IPCEF1: variants seen among roughly 807,000 people sequenced by gnomAD.
The protein encoded by IPCEF1 is interactor protein for cytohesin exchange factors 1.
A neutral mutation model predicts 50.9 loss-of-function variants in IPCEF1; 31 were observed. The ratio of observed to expected loss-of-function variants is 0.61; its 90% confidence interval spans 0.46 to 0.82. The LOEUF is 0.82. IPCEF1 is among the 40% of genes least tolerant of loss of function. IPCEF1 has a pLI of 0.00. For missense variants in IPCEF1, 458 were observed against 514.0 expected, an observed-to-expected ratio of 0.89 and a Z score of 1.05; for synonymous variants, 181 against 192.0, an observed-to-expected ratio of 0.94 and a Z score of 0.47.
intron 1 of IPCEF1, among the ~76,000 whole-genome samples, chr6:154,352,003 A>C (rs1199809175): frequency 6.6e-6 from 1 of 152,238 alleles, no homozygotes; most frequent in Non-Finnish European, 1.5e-5. Context: ...GAGGGAGAGC[A>C]TCAGGAAGAA....
chr6:154,302,896 A>C (rs959251227), intron 1 of IPCEF1, among the ~76,000 whole-genome samples: 1 of 152,100 alleles, frequency 6.6e-6, no homozygotes, highest in African/African-American at 2.4e-5. Flanking sequence ...GTAGATGCTT[A>C]ATAATTACTT....
intron 1 of IPCEF1, among the ~76,000 whole-genome samples, chr6:154,318,631 T>G (rs746796777): frequency 6.6e-6 from 1 of 150,438 alleles, no homozygotes; most frequent in Non-Finnish European, 1.5e-5. Context: ...GTGGGTAGAT[T>G]GCTTGAGCCC....
chr6:154,162,868 A>C (rs1799135446), intron 11 of IPCEF1, among the ~76,000 whole-genome samples: 1 of 152,158 alleles, frequency 6.6e-6, no homozygotes, highest in African/African-American at 2.4e-5. Flanking sequence ...CATCTCAAAA[A>C]TAACATATCT....
intron 5 of IPCEF1, among the ~76,000 whole-genome samples, chr6:154,244,301 G>GGTGGGTGTGT (rs71802413): frequency 1.4e-5 from 2 of 147,960 alleles, no homozygotes; most frequent in African/African-American, 5.0e-5. Context: ...TGTGTGGGTG[G>GGTGGGTGTGT]GTGTGTGTGT....
chr6:154,231,037 A>G (rs1779673149), intron 5 of IPCEF1, among the ~76,000 whole-genome samples: 2 of 152,146 alleles, frequency 1.3e-5, no homozygotes. Flanking sequence ...ATATAAATCT[A>G]TTGTTTTCTC....
At chr6:154,265,037 C>T (rs1427641169) in intron 3 of IPCEF1, among the ~76,000 whole-genome samples, 1 of 152,152 alleles carries the variant, frequency 6.6e-6, no homozygotes, top group Non-Finnish European at 1.5e-5. Context: ...AAACTCTGAC[C>T]TATACATCCA....
intron 1 of IPCEF1, among the ~76,000 whole-genome samples, chr6:154,349,654 A>G (rs1784090260): frequency 6.6e-6 from 1 of 152,172 alleles, no homozygotes; most frequent in South Asian, 2.1e-4. Flanking sequence ...TAAATGTTCT[A>G]TTCCTCTCTG....
chr6:154,193,827 A>G (rs1255071031), intron 10 of IPCEF1, among the ~76,000 whole-genome samples: 1 of 152,212 alleles, frequency 6.6e-6, no homozygotes, highest in Non-Finnish European at 1.5e-5. Context: ...AAACATGACA[A>G]TACTCCCTAT....
At chr6:154,336,504 C>T (rs957348288) in intron 1 of IPCEF1, among the ~76,000 whole-genome samples, 1 of 152,068 alleles carries the variant, frequency 6.6e-6, no homozygotes, top group African/African-American at 2.4e-5. Flanking sequence ...ATGATAGATA[C>T]CAGTGGCTGG....
At chr6:154,193,051 AAG>A in intron 10 of IPCEF1, among the ~76,000 whole-genome samples, 1 of 152,334 alleles carries the variant, frequency 6.6e-6, no homozygotes, top group East Asian at 1.9e-4. Context: ...TCATTATACG[AAG>A]AAGGATACTT....
intron 5 of IPCEF1, among the ~76,000 whole-genome samples, chr6:154,241,460 G>A (rs1241505510): frequency 6.6e-6 from 1 of 152,088 alleles, no homozygotes; most frequent in African/African-American, 2.4e-5. Flanking sequence ...GAATCTAAAT[G>A]AAATTCCACC....
chr6:154,296,603 G>A, intron 1 of IPCEF1, among the ~76,000 whole-genome samples: 1 of 152,236 alleles, frequency 6.6e-6, no homozygotes, highest in East Asian at 1.9e-4. Context: ...GCCGAGGAGG[G>A]CAGATCACGA....
chr6:154,199,440 C>T (rs1252937402), intron 10 of IPCEF1, among the ~76,000 whole-genome samples: 1 of 152,210 alleles, frequency 6.6e-6, no homozygotes, highest in African/African-American at 2.4e-5. Flanking sequence ...TCTTGGAGTT[C>T]TGAAGCAATT....
At chr6:154,211,510 C>A (rs545955124) in intron 9 of IPCEF1, among the ~76,000 whole-genome samples, 1 of 151,896 alleles carries the variant, frequency 6.6e-6, no homozygotes, top group South Asian at 2.1e-4. Flanking sequence ...GCATGCCATT[C>A]AACATCTCTG....
At chr6:154,296,828 CAAA>C (rs200689361) in intron 1 of IPCEF1, among the ~76,000 whole-genome samples, 2 of 74,868 alleles carry the variant, frequency 2.7e-5, no homozygotes. Flanking sequence ...GACTCCGTCT[CAAA>C]AAAAAAAAAA....
intron 1 of IPCEF1, among the ~76,000 whole-genome samples, chr6:154,309,514 A>AC (rs1186349827): frequency 6.6e-6 from 1 of 152,118 alleles, no homozygotes; most frequent in Non-Finnish European, 1.5e-5. Flanking sequence ...TACCATCCTT[A>AC]TATACCTGTT....
chr6:154,292,470 G>T (rs1782539747), intron 1 of IPCEF1, among the ~76,000 whole-genome samples: 1 of 152,042 alleles, frequency 6.6e-6, no homozygotes, highest in Non-Finnish European at 1.5e-5. Flanking sequence ...TTTTATTTTG[G>T]TCATCTTTCC....
chr6:154,180,414 A>ATATATATATATATATATATTTTTT (rs1241250621), intron 10 of IPCEF1, among the ~76,000 whole-genome samples: 2 of 65,264 alleles, frequency 3.1e-5, no homozygotes, highest in African/African-American at 9.6e-5. Flanking sequence ...ATATATATAT[A>ATATATATATATATATATATTTTTT]TTTTTTTTTT....
chr6:154,199,466 T>C (rs1776901525), intron 10 of IPCEF1, among the ~76,000 whole-genome samples: 1 of 152,238 alleles, frequency 6.6e-6, no homozygotes, highest in Non-Finnish European at 1.5e-5. Context: ...GTGACACTTA[T>C]AGCAAGTAAT....
Sources: gnomAD v4.1 joint callset for allele counts (sites outside exome capture counted in the v4.1 genomes callset) on GRCh38, gnomAD v4.1.1 for gene constraint, MANE v1.5 for transcripts, NCBI Gene and HGNC (gene_info 2026-07-23, HGNC 2026-07-21) for gene names.